UGT1A4: variants seen among roughly 807,000 people sequenced by gnomAD.
The protein encoded by UGT1A4 is UDP glucuronosyltransferase family 1 member A4, also known as UDP-glucuronosyltransferase 1A4.
UGT1A4 carries 32 observed loss-of-function variants against 41.1 expected under a neutral mutation model. The ratio of observed to expected loss-of-function variants is 0.78; its 90% confidence interval spans 0.59 to 1.05. The LOEUF (loss-of-function observed/expected upper bound fraction) is 1.05. Among genes scored for constraint, UGT1A4 ranks in the 50% least tolerant of loss-of-function variants. The pLI is 0.00. For missense variants in UGT1A4, 748 were observed against 677.4 expected (o/e 1.10, Z -1.16); for synonymous variants, 283 against 265.1 (o/e 1.07, Z -0.66).
intron 1 of UGT1A4, among the ~76,000 whole-genome samples, chr2:233,748,980 T>C (rs957360151): frequency 2.4e-4 from 36 of 151,710 alleles, no homozygotes; most frequent in African/African-American, 7.6e-4. Context: ...GATCTACTTC[T>C]TTACCAACAA....
chr2:233,767,182 C>T lies in UGT1A4; in HGVS notation c.999+17C>T. The T allele has an allele frequency of 6.2e-7, 1 of 1,613,942 alleles. No individual in the cohort carries two copies. The highest frequency in any genetic ancestry group is 8.5e-7 in the Non-Finnish European group (1 of 1,179,982). On this transcript the variant is annotated intron_variant, in intron 2 of 4. Coordinates refer to ENST00000373409, the MANE Select transcript of UGT1A4 (RefSeq NM_007120.3). ...CCTCAGACAGTAAGAAGATTCTATACCATGGCCTCATATCTATTTTCACAG... is the reference window on the plus strand; with the variant it reads ...CCTCAGACAGTAAGAAGATTCTATATCATGGCCTCATATCTATTTTCACAG...
At chr2:233,726,238 A>G (rs935075477) in intron 1 of UGT1A4, among the ~76,000 whole-genome samples, 11 of 152,220 alleles carry the variant, frequency 7.2e-5, no homozygotes, top group East Asian at 3.8e-4. Context: ...TAAAACTCCA[A>G]TATGAAAAGC....
At chr2:233,744,078 C>T (rs1450419320) in intron 1 of UGT1A4, 2 of 455,950 alleles carry the variant, frequency 4.4e-6, no homozygotes, top group Non-Finnish European at 7.4e-6. Context: ...CGCCTCGCAT[C>T]CCAAGATGCA....
At chr2:233,737,360 A>G (rs540165116) in intron 1 of UGT1A4, among the ~76,000 whole-genome samples, 5 of 152,246 alleles carry the variant, frequency 3.3e-5, no homozygotes, top group Admixed American at 6.5e-5. Flanking sequence ...GGAGCTGCTA[A>G]GCCAGGCAGG....
intron 1 of UGT1A4, among the ~76,000 whole-genome samples, chr2:233,731,505 G>T (rs1188245872): frequency 2.6e-5 from 4 of 152,064 alleles, no homozygotes; most frequent in African/African-American, 7.2e-5. Context: ...TTGCTGTTCA[G>T]TTCCCACCTA....
At chr2:233,764,255 A>G (rs1306141437) in intron 1 of UGT1A4, among the ~76,000 whole-genome samples, 1 of 152,114 alleles carries the variant, frequency 6.6e-6, no homozygotes, top group Non-Finnish European at 1.5e-5. Context: ...TTCAGTTAAT[A>G]TGTTGCTTCA....
At chr2:233,742,048 G>A (rs1013653818) in intron 1 of UGT1A4, 2 of 151,922 alleles carry the variant, frequency 1.3e-5, no homozygotes, top group Non-Finnish European at 2.9e-5. Context: ...ATAGCAATAG[G>A]ATAGTTCTGT....
chr2:233,735,838 C>T (rs1278519081), intron 1 of UGT1A4, among the ~76,000 whole-genome samples: 2 of 152,038 alleles, frequency 1.3e-5, no homozygotes, highest in Non-Finnish European at 2.9e-5. Context: ...AATATTGGCC[C>T]CCACTCTCTT....
chr2:233,732,988 A>G (rs1229388151), intron 1 of UGT1A4, among the ~76,000 whole-genome samples: 2 of 152,034 alleles, frequency 1.3e-5, no homozygotes, highest in Non-Finnish European at 2.9e-5. Flanking sequence ...TATTTCGTTG[A>G]GCAGTGGTTT....
intron 1 of UGT1A4, among the ~76,000 whole-genome samples, chr2:233,766,262 CCCGGG>C (rs2126023646): frequency 2.9e-5 from 2 of 68,082 alleles, no homozygotes; most frequent in East Asian, 5.0e-4. Flanking sequence ...CGCTCAGTGG[CCCGGG>C]CTCGGTGGCC....
Position 233,771,783 on chromosome 2 carries a change from TCTCC to T in UGT1A4, c.1308-460_1308-457del, listed in dbSNP as rs562104634. ...TCCTCCGTCCCTCTCTCCTTTCCTC[TCTCC>T]CTCCCTCCCTCCCTCCCTTCCTCCT... On this transcript the variant is annotated intron_variant, in intron 4 of 4. Coordinates refer to ENST00000373409, the MANE Select transcript of UGT1A4 (RefSeq NM_007120.3). Among the ~76,000 whole-genome samples, 597 of 151,668 alleles carry T rather than the reference TCTCC, an allele frequency of 3.9e-3. 3 individuals carry two copies. The Middle Eastern group carries it at 0.041, about 10-fold the overall frequency.
chr2:233,758,882 G>A (rs1040382997), intron 1 of UGT1A4, among the ~76,000 whole-genome samples: 12 of 152,162 alleles, frequency 7.9e-5, no homozygotes, highest in African/African-American at 2.7e-4. Context: ...ATAGTCCATG[G>A]TCAATAAATA....
intron 4 of UGT1A4, 106 bp from the exon 5 acceptor site, chr2:233,772,156 C>G: frequency 6.4e-7 from 1 of 1,560,932 alleles, no homozygotes; most frequent in Non-Finnish European, 8.7e-7. Context: ...GTTTCCTTTC[C>G]CAAGTTTGGA....
chr2:233,743,044 G>GTCT, intron 1 of UGT1A4: 2 of 317,270 alleles, frequency 6.3e-6, no homozygotes, highest in Non-Finnish European at 1.2e-5. Flanking sequence ...TCCTATCCGT[G>GTCT]TAGTCCCAAC....
rs2076705502 is a variant in UGT1A4 at position 233,718,959 on chromosome 2, G to T, written c.139G>T (p.Ala47Ser). Reference protein sequence around the residue: ...DGSPWLSMREALRELHARGHQ... With the variant: ...DGSPWLSMRESLRELHARGHQ... ...CAGCCCCTGGCTCAGCATGCGGGAG[G>T]CCTTGCGGGAGCTCCATGCCAGAGG... is the stretch of plus-strand genomic sequence containing the variant. Residue 47 changes from alanine (A) to serine (S), a missense_variant, in exon 1 of 5, where the codon GCC (alanine) becomes TCC (serine). Ala to Ser is a moderately conservative substitution (Grantham distance 99). Coordinates refer to ENST00000373409, the MANE Select transcript of UGT1A4 (RefSeq NM_007120.3). 5.6e-6 allele frequency: 9 copies of T among 1,614,212 alleles called. No homozygotes were observed. Among genetic ancestry groups the T allele is most frequent in the Non-Finnish European group, 7.6e-6 (9 of 1,180,020 alleles).
At chr2:233,766,582 G>A (rs1699191924) in intron 1 of UGT1A4, among the ~76,000 whole-genome samples, 1 of 152,174 alleles carries the variant, frequency 6.6e-6, no homozygotes, top group South Asian at 2.1e-4. Context: ...GTCTGGGGGT[G>A]GAGCCCTCGC....
chr2:233,724,460 G>T (rs551187141), intron 1 of UGT1A4, among the ~76,000 whole-genome samples: 1 of 114,598 alleles, frequency 8.7e-6, no homozygotes, highest in Non-Finnish European at 1.8e-5. Flanking sequence ...GCTGCCGGGC[G>T]GAGGGGCTCC....
At chr2:233,748,122 C>T (rs1693872650) in intron 1 of UGT1A4, 8 of 1,610,986 alleles carry the variant, frequency 5.0e-6, no homozygotes, top group Non-Finnish European at 8.5e-7. Context: ...CCAGGCAAAA[C>T]AGTTTTTAAA....
chr2:233,762,314 C>T (rs548976022), intron 1 of UGT1A4, among the ~76,000 whole-genome samples: 27 of 152,272 alleles, frequency 1.8e-4, no homozygotes, highest in African/African-American at 5.3e-4. Context: ...GTTAATGGGT[C>T]GAGAGTAATC....
Sources: allele counts gnomAD v4.1 joint callset (sites outside exome capture counted in the v4.1 genomes callset), GRCh38; gene constraint gnomAD v4.1.1; transcripts MANE v1.5; gene names NCBI Gene and HGNC (gene_info 2026-07-23, HGNC 2026-07-21).